Variants in PRR16 observed in about 807,000 individuals in gnomAD.
The protein encoded by PRR16 is proline rich 16, also known as protein Largen.
Under a neutral mutation model 18.2 loss-of-function variants are expected in PRR16, and 6 were observed. That is an observed-to-expected ratio of 0.33 (90% CI 0.18 to 0.65). PRR16 has a LOEUF of 0.65. Among genes scored for constraint, PRR16 ranks in the 30% least tolerant of loss-of-function variants. The pLI is 0.74. For synonymous variants in PRR16, 151 were observed against 147.8 expected, an observed-to-expected ratio of 1.02 and a Z score of -0.16; for missense variants, 412 against 376.6, an observed-to-expected ratio of 1.09 and a Z score of -0.78.
chr5:120,487,453 G>C (rs1275011597), intron 1 of PRR16, among the ~76,000 whole-genome samples: 1 of 152,132 alleles, frequency 6.6e-6, no homozygotes, highest in African/African-American at 2.4e-5. Context: ...CTGTTTGTCT[G>C]TTATTGGTGT....
chr5:120,743,761 C>T, the PRR16 span, among the ~76,000 whole-genome samples: 1 of 152,162 alleles, frequency 6.6e-6, no homozygotes, highest in African/African-American at 2.4e-5. Flanking sequence ...TTCAGGGACT[C>T]CAGTTATCCT....
intron 1 of PRR16, among the ~76,000 whole-genome samples, chr5:120,685,023 G>A (rs968120267): frequency 1.3e-5 from 2 of 152,106 alleles, no homozygotes; most frequent in African/African-American, 4.8e-5. Flanking sequence ...TTAGGGTCCT[G>A]GGCCCAGATA....
rs943838965 is a variant in PRR16 at position 120,617,219 on chromosome 5, G to T, written c.160-68735G>T. Reference sequence around the variant, plus strand: ...TCAGCCCCACCTTAACATGATGTTTGCAGGAATTTGGACAGCACATACCAA... The same window carrying T: ...TCAGCCCCACCTTAACATGATGTTTTCAGGAATTTGGACAGCACATACCAA... On this transcript the variant is annotated intron_variant, in intron 1 of 1. Coordinates refer to ENST00000407149, the MANE Select transcript of PRR16 (RefSeq NM_001300783.2). The T allele has an allele frequency of 5.4e-5, 52 of 966,910 alleles. No individual in the cohort carries two copies. The African/African-American group carries it at 8.8e-4, about 16-fold the overall frequency. 59.9% of individuals were successfully genotyped at this position (966,910 alleles called of 1,614,324 possible).
chr5:120,481,259 T>C, intron 1 of PRR16: 1 of 468,530 alleles, frequency 2.1e-6, no homozygotes, highest in Non-Finnish European at 4.1e-6. Flanking sequence ...GCTATTCTCC[T>C]GCCTCAGCCT....
chr5:120,794,195 A>C, the PRR16 span, among the ~76,000 whole-genome samples: 1 of 152,166 alleles, frequency 6.6e-6, no homozygotes, highest in African/African-American at 2.4e-5. Context: ...TATTTGAAAC[A>C]ATAGGTTAAA....
chr5:120,502,932 C>G (rs987502928), intron 1 of PRR16, among the ~76,000 whole-genome samples: 12 of 152,116 alleles, frequency 7.9e-5, no homozygotes, highest in African/African-American at 2.9e-4. Context: ...CAGAAACCTT[C>G]TCATATCATA....
At chr5:120,608,246 A>AT (rs1029669197) in intron 1 of PRR16, among the ~76,000 whole-genome samples, 40 of 152,188 alleles carry the variant, frequency 2.6e-4, no homozygotes, top group Middle Eastern at 3.4e-3. Context: ...CATAATATCC[A>AT]TTTTTTTCGT....
At chr5:120,632,349 T>C (rs1395454470) in intron 1 of PRR16, among the ~76,000 whole-genome samples, 1 of 151,974 alleles carries the variant, frequency 6.6e-6, no homozygotes, top group African/African-American at 2.4e-5. Flanking sequence ...TTGTACCAGC[T>C]CACCAGCAAT....
At chr5:120,570,803 C>G (rs1476938504) in intron 1 of PRR16, among the ~76,000 whole-genome samples, 2 of 151,856 alleles carry the variant, frequency 1.3e-5, no homozygotes, top group African/African-American at 4.8e-5. Context: ...AGATTATAAA[C>G]ATGATAGACT....
chr5:120,628,237 G>C (rs531037273), intron 1 of PRR16, among the ~76,000 whole-genome samples: 1 of 152,104 alleles, frequency 6.6e-6, no homozygotes, highest in South Asian at 2.1e-4. Context: ...ACAAAGATGG[G>C]TATCTTTTTT....
chr5:120,668,919 C>G (rs941718006), intron 1 of PRR16, among the ~76,000 whole-genome samples: 1 of 151,864 alleles, frequency 6.6e-6, no homozygotes, highest in African/African-American at 2.4e-5. Flanking sequence ...ATGGGAATAA[C>G]GCGTCCGCAT....
At chr5:120,702,905 G>T in the PRR16 span, among the ~76,000 whole-genome samples, 2 of 152,148 alleles carry the variant, frequency 1.3e-5, no homozygotes, top group Non-Finnish European at 2.9e-5. Flanking sequence ...AGAACAGGAG[G>T]ACAGGGGATT....
chr5:120,695,037 C>A, the PRR16 span, among the ~76,000 whole-genome samples: 1 of 152,108 alleles, frequency 6.6e-6, no homozygotes, highest in Non-Finnish European at 1.5e-5. Flanking sequence ...AACTGGAGTC[C>A]TATGGTTACA....
intron 1 of PRR16, among the ~76,000 whole-genome samples, chr5:120,494,340 A>G (rs1026967755): frequency 8.6e-5 from 13 of 151,784 alleles, no homozygotes; most frequent in Non-Finnish European, 1.8e-4. Flanking sequence ...GGGTCTGTTC[A>G]TGTCTTTTAT....
intron 1 of PRR16, among the ~76,000 whole-genome samples, chr5:120,649,424 C>G (rs1352265505): frequency 6.6e-6 from 1 of 152,092 alleles, no homozygotes; most frequent in Non-Finnish European, 1.5e-5. Flanking sequence ...ATGAAAATAG[C>G]AGAATCTATT....
At chr5:120,735,681 A>G in the PRR16 span, among the ~76,000 whole-genome samples, 10 of 66,462 alleles carry the variant, frequency 1.5e-4, no homozygotes, top group East Asian at 3.4e-3. Context: ...TGTTGTTGTT[A>G]TTGTTGAGTT....
intron 1 of PRR16, among the ~76,000 whole-genome samples, chr5:120,683,511 A>G (rs2150155361): frequency 6.6e-6 from 1 of 152,020 alleles, no homozygotes; most frequent in Non-Finnish European, 1.5e-5. Context: ...CAAAAAAAAA[A>G]AAAAAAGTGA....
At chr5:120,540,451 C>T (rs185698131) in intron 1 of PRR16, among the ~76,000 whole-genome samples, 2 of 152,260 alleles carry the variant, frequency 1.3e-5, no homozygotes, top group East Asian at 1.9e-4. Flanking sequence ...GTGCCCTGGC[C>T]GGGCCTCTCT....
chr5:120,740,530 C>G, the PRR16 span, among the ~76,000 whole-genome samples: 1 of 152,132 alleles, frequency 6.6e-6, no homozygotes, highest in African/African-American at 2.4e-5. Flanking sequence ...AATCAACTGA[C>G]TATACATGTG....
Sources: allele counts gnomAD v4.1 joint callset (sites outside exome capture counted in the v4.1 genomes callset), GRCh38; gene constraint gnomAD v4.1.1; transcripts MANE v1.5; gene names NCBI Gene and HGNC (gene_info 2026-07-23, HGNC 2026-07-21).